Variants in RBFOX1 observed in about 807,000 individuals in gnomAD.
RBFOX1 encodes RNA binding fox-1 homolog 1.
A neutral mutation model predicts 57.7 loss-of-function variants in RBFOX1; 8 were observed. The ratio of observed to expected loss-of-function variants is 0.14; its 90% confidence interval spans 0.08 to 0.25. The LOEUF (loss-of-function observed/expected upper bound fraction) is 0.25. Ranked by LOEUF, RBFOX1 falls within the 10% of genes least tolerant of loss-of-function variation. The probability of loss-of-function intolerance (pLI) is 1.00; values close to 1 mark genes in which losing one functional copy is unlikely to be tolerated. For synonymous variants in RBFOX1, 326 were observed against 222.4 expected (o/e 1.47, Z -4.15); for missense variants, 611 against 548.5 (o/e 1.11, Z -1.14).
At chr16:7,519,974 C>T (rs908796265) in intron 5 of RBFOX1, among the ~76,000 whole-genome samples, 4 of 152,166 alleles carry the variant, frequency 2.6e-5, no homozygotes, top group Non-Finnish European at 4.4e-5. Context: ...CAAGCTCCAC[C>T]TCCCAGGTTC....
chr16:5,287,129 A>T (rs1346736590), intron 1 of RBFOX1, among the ~76,000 whole-genome samples: 1 of 152,072 alleles, frequency 6.6e-6, no homozygotes, highest in African/African-American at 2.4e-5. Flanking sequence ...ATATAGTGAG[A>T]CCCTGTCTCT....
At chr16:5,778,211 C>T (rs758816773) in intron 3 of RBFOX1, among the ~76,000 whole-genome samples, 12 of 152,098 alleles carry the variant, frequency 7.9e-5, no homozygotes, top group Non-Finnish European at 7.3e-5. Context: ...TTGAGAGTTA[C>T]GGTGCCAGAA....
intron 1 of RBFOX1, among the ~76,000 whole-genome samples, chr16:6,256,299 GTA>G (rs1343136996): frequency 4.6e-5 from 6 of 131,410 alleles, no homozygotes; most frequent in Admixed American, 8.0e-5. Context: ...ATATATATAT[GTA>G]TATATATATA....
chr16:6,471,709 G>A (rs1473259923), intron 2 of RBFOX1, among the ~76,000 whole-genome samples: 1 of 152,106 alleles, frequency 6.6e-6, no homozygotes, highest in African/African-American at 2.4e-5. Context: ...CAGGGAAGAG[G>A]TTTATTCATC....
In RBFOX1 at chr16:5,309,145, C is replaced by G. The variant is rs1035933134; in HGVS notation, c.219+69040C>G. Among the ~76,000 whole-genome samples the G allele has an allele frequency of 3.3e-5, 5 of 152,260 alleles. No individual in the cohort carries two copies. In the East Asian group the frequency reaches 9.7e-4, roughly 29 times the overall value. On this transcript the variant is annotated intron_variant, in intron 1 of 2. Transcript: ENST00000585867. ...CTCTTTCTAATAATTCTTGCAGATC[C>G]CTGACTTAAAATTCCTTTACTGTCA... is the stretch of plus-strand genomic sequence containing the variant.
intron 4 of RBFOX1, among the ~76,000 whole-genome samples, chr16:7,146,699 G>A (rs950637538): frequency 1.3e-5 from 2 of 151,886 alleles, no homozygotes; most frequent in East Asian, 3.9e-4. Flanking sequence ...CTGCAATCCT[G>A]GCAGTTTGCG....
intron 3 of RBFOX1, among the ~76,000 whole-genome samples, chr16:5,644,826 T>C (rs1349361340): frequency 6.6e-6 from 1 of 152,204 alleles, no homozygotes; most frequent in Non-Finnish European, 1.5e-5. Context: ...TTTTTGCCAA[T>C]TGTGAATAAT....
At chr16:6,366,085 ATGTGTGTGTGTGTGTGTG>A (rs71145219) in intron 2 of RBFOX1, among the ~76,000 whole-genome samples, 3 of 144,420 alleles carry the variant, frequency 2.1e-5, no homozygotes, top group Admixed American at 1.4e-4. Flanking sequence ...TGGCCATTCT[ATGTGTGTGTGTGTGTGTG>A]TGTGTGTGTG....
intron 2 of RBFOX1, among the ~76,000 whole-genome samples, chr16:6,392,959 A>G (rs2092671953): frequency 1.3e-5 from 2 of 152,226 alleles, no homozygotes; most frequent in African/African-American, 2.4e-5. Context: ...GAAGTCTTTC[A>G]TAATTGCTTG....
intron 3 of RBFOX1, among the ~76,000 whole-genome samples, chr16:6,699,422 G>C (rs977645965): frequency 2.0e-5 from 3 of 151,908 alleles, no homozygotes; most frequent in Admixed American, 6.6e-5. Context: ...AGACCATGCT[G>C]CGTGTCTTTG....
intron 4 of RBFOX1, among the ~76,000 whole-genome samples, chr16:7,138,853 G>C (rs1395666006): frequency 6.6e-6 from 1 of 152,160 alleles, no homozygotes; most frequent in South Asian, 2.1e-4. Flanking sequence ...CTGCTGCCTA[G>C]CCTGGAGTGC....
At chr16:6,658,258 A>T (rs574658710) in intron 3 of RBFOX1, among the ~76,000 whole-genome samples, 4 of 144,428 alleles carry the variant, frequency 2.8e-5, no homozygotes, top group Non-Finnish European at 6.0e-5. Flanking sequence ...TTTTTTTTTT[A>T]ACAGTCTCCC....
At chr16:6,645,395 G>C (rs2098525526) in intron 2 of RBFOX1, among the ~76,000 whole-genome samples, 1 of 152,080 alleles carries the variant, frequency 6.6e-6, no homozygotes, top group Non-Finnish European at 1.5e-5. Context: ...TCGTTGTCCG[G>C]TGTTTCTCTC....
Position 6,151,541 on chromosome 16 carries a change from C to T in RBFOX1, c.-127+131549C>T, listed in dbSNP as rs140898228. Among the ~76,000 whole-genome samples, 1,105 of 152,320 alleles carry T rather than the reference C, an allele frequency of 7.3e-3. 20 individuals carry two copies. The highest frequency in any genetic ancestry group is 0.025 in the African/African-American group (1,045 of 41,562). ...CTTCAGGTTATCCACCTGCCTTAGC[C>T]TCCCAAAGTGCTGGGGTTACAGGAG... On this transcript the variant is annotated intron_variant, in intron 1 of 15. Coordinates refer to ENST00000550418, the MANE Select transcript of RBFOX1 (RefSeq NM_018723.4).
intron 3 of RBFOX1, among the ~76,000 whole-genome samples, chr16:6,824,871 A>G (rs1179029014): frequency 6.6e-6 from 1 of 151,918 alleles, no homozygotes; most frequent in East Asian, 1.9e-4. Context: ...TCAAAAGTGA[A>G]ATAATTGAAA....
intron 4 of RBFOX1, among the ~76,000 whole-genome samples, chr16:7,466,348 A>T (rs950703029): frequency 1.3e-5 from 2 of 148,736 alleles, no homozygotes; most frequent in Admixed American, 6.8e-5. Flanking sequence ...TGCTTATTTC[A>T]TGCCAAGCTA....
At chr16:7,217,855 G>C (rs963131262) in intron 4 of RBFOX1, among the ~76,000 whole-genome samples, 3 of 151,966 alleles carry the variant, frequency 2.0e-5, no homozygotes, top group African/African-American at 7.3e-5. Context: ...CATGTGTGTG[G>C]GCATGTGTGT....
chr16:6,907,163 T>C (rs930931516), intron 3 of RBFOX1, among the ~76,000 whole-genome samples: 12 of 152,314 alleles, frequency 7.9e-5, no homozygotes, highest in Middle Eastern at 6.8e-3. Flanking sequence ...TTTTACAACT[T>C]GGCAGGGGAG....
At chr16:5,532,924 A>T (rs997794384) in intron 2 of RBFOX1, among the ~76,000 whole-genome samples, 2 of 151,180 alleles carry the variant, frequency 1.3e-5, no homozygotes, top group African/African-American at 4.9e-5. Flanking sequence ...GAGATCTCAC[A>T]TTAGTGATTT....
Sources: gnomAD v4.1 joint callset for allele counts (sites outside exome capture counted in the v4.1 genomes callset) on GRCh38, gnomAD v4.1.1 for gene constraint, MANE v1.5 for transcripts, NCBI Gene and HGNC (gene_info 2026-07-23, HGNC 2026-07-21) for gene names.